Variants in PIEZO2 observed in about 807,000 individuals in gnomAD.
The protein encoded by PIEZO2 is piezo type mechanosensitive ion channel component 2, also known as piezo-type mechanosensitive ion channel component 2.
A neutral mutation model predicts 337.3 loss-of-function variants in PIEZO2; 172 were observed. That is an observed-to-expected ratio of 0.51 (90% confidence interval 0.45 to 0.58). PIEZO2 has a LOEUF of 0.58. Ranked by LOEUF, PIEZO2 falls within the 20% of genes least tolerant of loss-of-function variation. PIEZO2 has a pLI of 0.00. For synonymous variants in PIEZO2, 1,251 were observed against 1,228.5 expected (o/e 1.02, Z -0.38); for missense variants, 3,028 against 3,391.3 (o/e 0.89, Z 2.66).
At chr18:10,817,531 A>G (rs967779542) in intron 7 of PIEZO2, among the ~76,000 whole-genome samples, 4 of 152,232 alleles carry the variant, frequency 2.6e-5, no homozygotes, top group Admixed American at 1.3e-4. Flanking sequence ...TTTACACACT[A>G]TAAGACAATT....
chr18:11,009,797 C>A lies in PIEZO2; in HGVS notation c.161-30137G>T, dbSNP rs913034142. Among the ~76,000 whole-genome samples, 1 of 151,936 alleles carries A rather than the reference C, an allele frequency of 6.6e-6. No individual in the cohort carries two copies. Among genetic ancestry groups the A allele is most frequent in the Non-Finnish European group, 1.5e-5 (1 of 67,998 alleles). On this transcript the variant is annotated intron_variant, in intron 2 of 55. Transcript: ENST00000674853. This position sits in a 1 kb window ranked among gnomAD's most constrained non-coding sequence, Gnocchi z 4.6. ...ATAGAGGTGGGCCTAATCCAGTATGCCCGGTGTCCTTGTAAGAAGAGGAGA... is the reference window on the plus strand; with the variant it reads ...ATAGAGGTGGGCCTAATCCAGTATGACCGGTGTCCTTGTAAGAAGAGGAGA...
intron 1 of PIEZO2, among the ~76,000 whole-genome samples, chr18:11,115,785 A>G (rs773512378): frequency 2.0e-5 from 3 of 152,218 alleles, no homozygotes; most frequent in Non-Finnish European, 2.9e-5. Context: ...AAATTATTTT[A>G]CTAATATAAA....
At position 10,846,758 on chromosome 18, in the gene PIEZO2, G is replaced by A. The variant is rs1256726200; in HGVS notation, c.917+8595C>T. Among the ~76,000 whole-genome samples the A allele has an allele frequency of 6.6e-6, 1 of 152,146 alleles. No homozygotes were observed. Among genetic ancestry groups the A allele is most frequent in the African/African-American group, 2.4e-5 (1 of 41,434 alleles). ...GGTTCTGGAAGGAGGTGCATGGGTA[G>A]GTTTAAGGGACAAACAGGAGCCAGT... On this transcript the variant is annotated intron_variant, in intron 7 of 55. Coordinates refer to ENST00000674853, the MANE Select transcript of PIEZO2 (RefSeq NM_001378183.1). The surrounding 1 kb of genome is among the most constrained non-coding windows in gnomAD (Gnocchi z 4.1).
Position 11,099,990 on chromosome 18 carries a change from G to T in PIEZO2, c.65-33768C>A, listed in dbSNP as rs2039364991. Among the ~76,000 whole-genome samples, 1 of 151,920 alleles carries T rather than the reference G, an allele frequency of 6.6e-6. No individual in the cohort carries two copies. The highest frequency in any genetic ancestry group is 6.6e-5 in the Admixed American group (1 of 15,254). Reference sequence around the variant, plus strand: ...AGTATGTCATTTGTCTTCATAGTTTGTTTATAGTCTTTTGTCATAAAAAAC... The same window carrying T: ...AGTATGTCATTTGTCTTCATAGTTTTTTTATAGTCTTTTGTCATAAAAAAC... On this transcript the variant is annotated intron_variant, in intron 1 of 55. Coordinates refer to ENST00000674853, the MANE Select transcript of PIEZO2 (RefSeq NM_001378183.1). The surrounding 1 kb of genome is among the most constrained non-coding windows in gnomAD (Gnocchi z 5.4).
rs2036995827 is a variant in PIEZO2, at chr18:11,038,282, T to A, written c.160+27845A>T. 6.6e-6 allele frequency among the ~76,000 whole-genome samples: 1 copy of A among 152,132 alleles called. No homozygotes were observed. The highest frequency in any genetic ancestry group is 2.1e-4 in the South Asian group (1 of 4,832). ...ATTCTGCTTGGATAATGTAAATTGCTTGCAAGAAAAAGCCACAAATCTTTA... is the reference window on the plus strand; with the variant it reads ...ATTCTGCTTGGATAATGTAAATTGCATGCAAGAAAAAGCCACAAATCTTTA... On this transcript the variant is annotated intron_variant, in intron 2 of 55. Coordinates refer to ENST00000674853, the MANE Select transcript of PIEZO2 (RefSeq NM_001378183.1). The surrounding 1 kb of genome is among the most constrained non-coding windows in gnomAD (Gnocchi z 4.1).
At chr18:11,056,795 C>A (rs1598892896) in intron 2 of PIEZO2, among the ~76,000 whole-genome samples, 1 of 152,078 alleles carries the variant, frequency 6.6e-6, no homozygotes, top group South Asian at 2.1e-4. Context: ...TGTCCATTAG[C>A]CTTTCCAGGT....
In PIEZO2 at chr18:10,903,477, C is replaced by T. The variant is rs1056130072; in HGVS notation, c.329+7709G>A. Among the ~76,000 whole-genome samples, 5 of 151,922 alleles carry T rather than the reference C, an allele frequency of 3.3e-5. No individual in the cohort carries two copies. The highest frequency in any genetic ancestry group is 1.2e-4 in the African/African-American group (5 of 41,366). ...GGTCAAGAGATCGAGACCATCCTGG[C>T]CAACAACATGGTGAAACCCCGTCTC... On this transcript the variant is annotated intron_variant, in intron 4 of 55. Coordinates refer to ENST00000674853, the MANE Select transcript of PIEZO2 (RefSeq NM_001378183.1). This position sits in a 1 kb window ranked among gnomAD's most constrained non-coding sequence, Gnocchi z 4.1.
intron 49 of PIEZO2, among the ~76,000 whole-genome samples, chr18:10,686,691 C>G (rs12961663): frequency 0.28 from 43,165 of 151,856 alleles, 6,702 homozygotes; most frequent in Non-Finnish European, 0.36. Flanking sequence ...TGTTGGGGCC[C>G]ACAGTGAAAG....
At chr18:10,742,736 C>A in intron 31 of PIEZO2, 121 bp from the exon 32 acceptor site, 2 of 1,061,834 alleles carry the variant, frequency 1.9e-6, no homozygotes, top group Non-Finnish European at 2.6e-6. Context: ...CTTTGGAATA[C>A]TTGTGAATTG....
intron 48 of PIEZO2, among the ~76,000 whole-genome samples, chr18:10,690,681 G>A (rs56126774): frequency 0.46 from 70,221 of 151,974 alleles, 17,006 homozygotes; most frequent in East Asian, 0.67. Flanking sequence ...TTTAATTTGC[G>A]AGAGAACAGA....
At chr18:11,106,017 T>A (rs971003086) in intron 1 of PIEZO2, among the ~76,000 whole-genome samples, 2 of 152,190 alleles carry the variant, frequency 1.3e-5, no homozygotes, top group African/African-American at 4.8e-5. Context: ...AAATTTATTT[T>A]GGCCATTGTT....
At chr18:10,772,067 G>GA (rs891975084) in intron 20 of PIEZO2, among the ~76,000 whole-genome samples, 19 of 152,084 alleles carry the variant, frequency 1.2e-4, no homozygotes, top group African/African-American at 2.4e-4. Flanking sequence ...AATAACGAAA[G>GA]AAAAAAATGT....
rs187649227 is a variant in PIEZO2 at position 10,893,107 on chromosome 18, T to G, written c.329+18079A>C. On this transcript the variant is annotated intron_variant, in intron 4 of 55. Transcript: ENST00000674853. ...CTACTGCGAATCCCTTTGCTTAAAATTCTGGGAAATTATGTTTTAGTAGTT... is the reference window on the plus strand; with the variant it reads ...CTACTGCGAATCCCTTTGCTTAAAAGTCTGGGAAATTATGTTTTAGTAGTT... Among the ~76,000 whole-genome samples the G allele has an allele frequency of 4.6e-4, 70 of 152,334 alleles. 1 individual carries two copies. The highest frequency in any genetic ancestry group is 1.7e-3 in the African/African-American group (69 of 41,590).
Position 11,002,729 on chromosome 18 carries a change from C to G in PIEZO2, c.161-23069G>C, listed in dbSNP as rs1338122530. Among the ~76,000 whole-genome samples, 2 of 152,322 alleles carry G rather than the reference C, an allele frequency of 1.3e-5. No individual in the cohort carries two copies. Among genetic ancestry groups the G allele is most frequent in the East Asian group, 3.9e-4 (2 of 5,190 alleles). Reference sequence around the variant, plus strand: ...TCAGGCAGAGATGTGTTAGTTCACACAGAACCCTGTGTAAGCACACAATTC... The same window carrying G: ...TCAGGCAGAGATGTGTTAGTTCACAGAGAACCCTGTGTAAGCACACAATTC... On this transcript the variant is annotated intron_variant, in intron 2 of 55. Coordinates refer to ENST00000674853, the MANE Select transcript of PIEZO2 (RefSeq NM_001378183.1). This position sits in a 1 kb window ranked among gnomAD's most constrained non-coding sequence, Gnocchi z 4.3.
Position 10,819,175 on chromosome 18 carries a change from A to G in PIEZO2, c.918-11901T>C, listed in dbSNP as rs1040582793. On this transcript the variant is annotated intron_variant, in intron 7 of 55. Transcript: ENST00000674853. The surrounding 1 kb of genome is among the most constrained non-coding windows in gnomAD (Gnocchi z 4.3). ...GATGAAATTAACAATAAAAAGGTAT[A>G]ATGATTTCTACTGGAATAATTACAT... 3.3e-5 allele frequency among the ~76,000 whole-genome samples: 5 copies of G among 152,208 alleles called. No homozygotes were observed. Among genetic ancestry groups the G allele is most frequent in the Non-Finnish European group, 5.9e-5 (4 of 68,022 alleles).
chr18:11,066,286 G>T, intron 1 of PIEZO2, 64 bp from the exon 2 acceptor site: 2 of 1,299,286 alleles, frequency 1.5e-6, no homozygotes, highest in South Asian at 2.6e-5. Flanking sequence ...ACAAAACCAG[G>T]GGTGCATAAC....
rs758697904 is a variant in PIEZO2 at position 10,672,649 on chromosome 18, A to C, written c.8345+41T>G. 3.2e-5 allele frequency: 51 copies of C among 1,585,306 alleles called. No individual in the cohort carries two copies. Among genetic ancestry groups the C allele is most frequent in the Admixed American group, 1.1e-4 (6 of 52,408 alleles). On this transcript the variant is annotated intron_variant, in intron 55 of 55. Coordinates refer to ENST00000674853, the MANE Select transcript of PIEZO2 (RefSeq NM_001378183.1). The surrounding 1 kb of genome is among the most constrained non-coding windows in gnomAD (Gnocchi z 4.7). The stretch of plus-strand genomic sequence containing the variant: ...CACTCTCAACTTTACATGATACAGA[A>C]GTAGACTCTTGTAACTGTGAATTGT...
Position 11,102,085 on chromosome 18 carries a change from A to T in PIEZO2, c.65-35863T>A, listed in dbSNP as rs1172311450. Among the ~76,000 whole-genome samples, 1 of 152,188 alleles carries T rather than the reference A, an allele frequency of 6.6e-6. No individual in the cohort carries two copies. The highest frequency in any genetic ancestry group is 2.4e-5 in the African/African-American group (1 of 41,432). ...CCTTTAATGTATTCCCTTTTTCAAA[A>T]TGCTGAAAGGATAGACCAAAACCCT... On this transcript the variant is annotated intron_variant, in intron 1 of 55. Coordinates refer to ENST00000674853, the MANE Select transcript of PIEZO2 (RefSeq NM_001378183.1). This position sits in a 1 kb window ranked among gnomAD's most constrained non-coding sequence, Gnocchi z 5.7.
intron 2 of PIEZO2, among the ~76,000 whole-genome samples, chr18:11,046,165 C>T (rs2037307511): frequency 6.6e-6 from 1 of 152,220 alleles, no homozygotes; most frequent in South Asian, 2.1e-4. Context: ...AACTTGTCTC[C>T]TTATTCCCTG....
Sources: allele counts gnomAD v4.1 joint callset (sites outside exome capture counted in the v4.1 genomes callset), GRCh38; gene constraint gnomAD v4.1.1; non-coding constraint Gnocchi (gnomAD v3.1); transcripts MANE v1.5; gene names NCBI Gene and HGNC (gene_info 2026-07-23, HGNC 2026-07-21).